The following HEG1 variants were observed in gnomAD, a reference collection of about 807,000 sequenced individuals.
The protein encoded by HEG1 is protein HEG homolog 1.
In HEG1, 56 loss-of-function variants were observed where a neutral mutation model predicts 125.6. The ratio of observed to expected loss-of-function variants is 0.45; its 90% confidence interval spans 0.36 to 0.56. The LOEUF (loss-of-function observed/expected upper bound fraction) is 0.56, where lower values mean the gene tolerates loss of function less well. HEG1 is among the 20% of genes least tolerant of loss of function. The pLI is 0.00. For missense variants in HEG1, 1,523 were observed against 1,670.0 expected (o/e 0.91, Z 1.53); for synonymous variants, 644 against 668.5 (o/e 0.96, Z 0.57).
chr3:124,980,813 C>CCAACCTGGATAT (rs1553775626), intron 14 of HEG1, among the ~76,000 whole-genome samples: 1 of 151,864 alleles, frequency 6.6e-6, no homozygotes. Context: ...GCCACAGCGC[C>CCAACCTGGATAT]TGGCCTGAGG....
chr3:125,000,240 T>C (rs932017176), intron 11 of HEG1, among the ~76,000 whole-genome samples: 2 of 152,160 alleles, frequency 1.3e-5, no homozygotes, highest in African/African-American at 4.8e-5. Context: ...ATAAACCATA[T>C]ACAAGCAGTC....
At chr3:125,049,262 C>T (rs549382866) in intron 1 of HEG1, among the ~76,000 whole-genome samples, 1 of 152,296 alleles carries the variant, frequency 6.6e-6, no homozygotes, top group South Asian at 2.1e-4. Context: ...TGTTAACTTA[C>T]ATGGACCTTC....
chr3:124,976,389 T>C (rs1040114317), intron 15 of HEG1, among the ~76,000 whole-genome samples: 5 of 152,126 alleles, frequency 3.3e-5, no homozygotes, highest in Non-Finnish European at 7.4e-5. Context: ...GGTTTCACCA[T>C]GTTGGCCAGG....
chr3:125,013,266 A>G lies in HEG1; in HGVS notation c.2313T>C (p.His771=), dbSNP rs778024029. The change falls in exon 6 of 17, where the codon CAT becomes CAC. Residue 771 remains histidine, a synonymous_variant. Transcript: ENST00000311127. ...STMTSFMTML[H]SSQTADLKSQ... is the part of the protein sequence containing the mutation. Reference sequence around the variant, plus strand: ...TCTTAAGGTCTGCAGTTTGACTACTATGGAGCATTGTCATGAATGATGTCA... The same window carrying G: ...TCTTAAGGTCTGCAGTTTGACTACTGTGGAGCATTGTCATGAATGATGTCA... 5.0e-6 allele frequency: 8 copies of G among 1,613,950 alleles called. No homozygotes were observed. In the Admixed American group the frequency reaches 8.3e-5, roughly 17 times the overall value.
At chr3:125,002,155 T>C (rs1937010654) in intron 10 of HEG1, 102 bp downstream of exon 10, 1 of 1,496,276 alleles carries the variant, frequency 6.7e-7, no homozygotes, top group East Asian at 2.3e-5. Flanking sequence ...GATTGCCCCA[T>C]GGCTGGGTGA....
At chr3:125,033,293 T>C (rs576752175) in intron 1 of HEG1, among the ~76,000 whole-genome samples, 1 of 152,252 alleles carries the variant, frequency 6.6e-6, no homozygotes, top group East Asian at 1.9e-4. Context: ...GAGGCACCTG[T>C]TCAACATTTG....
At chr3:124,981,136 A>G (rs1439787088) in intron 14 of HEG1, among the ~76,000 whole-genome samples, 1 of 151,848 alleles carries the variant, frequency 6.6e-6, no homozygotes, top group Non-Finnish European at 1.5e-5. Flanking sequence ...ACTGCGCCCA[A>G]CCTGGATATT....
intron 1 of HEG1, among the ~76,000 whole-genome samples, chr3:125,035,804 C>A (rs1937542889): frequency 6.6e-6 from 1 of 151,938 alleles, no homozygotes; most frequent in African/African-American, 2.4e-5. Flanking sequence ...ATTAATAAAA[C>A]AAGTCAGAAC....
At chr3:125,025,230 TC>T (rs773308744) in intron 3 of HEG1, among the ~76,000 whole-genome samples, 6 of 152,232 alleles carry the variant, frequency 3.9e-5, no homozygotes, top group Non-Finnish European at 8.8e-5. Context: ...GAAGTTTGTT[TC>T]CCATGTAACT....
At position 124,966,814 on chromosome 3, in the gene HEG1, G is replaced by A. The variant is rs1293441850; in HGVS notation, c.*3838C>T. The A allele has an allele frequency of 6.6e-6, 1 of 152,186 alleles. No homozygotes were observed. Among genetic ancestry groups the A allele is most frequent in the Non-Finnish European group, 1.5e-5 (1 of 68,056 alleles). The allele number at this position is 152,186 out of a possible 1,614,324, so 9.4% of individuals were successfully genotyped here. A position where few individuals can be genotyped will look rare whatever the true frequency, so the allele number is the denominator to read the frequency against. ...GTTAAATCGGCTTACAGGACACCCG[G>A]GCATCTCACCAGGGGGCAACACAGT... On this transcript the variant is annotated 3_prime_UTR_variant, in exon 17 of 17. Coordinates refer to ENST00000311127, the MANE Select transcript of HEG1 (RefSeq NM_020733.2).
chr3:125,052,181 G>A (rs1476247105), intron 1 of HEG1, among the ~76,000 whole-genome samples: 17 of 146,836 alleles, frequency 1.2e-4, no homozygotes, highest in Admixed American at 9.6e-4. Context: ...AAGCAAACAG[G>A]CTTCTCAGGA....
intron 15 of HEG1, among the ~76,000 whole-genome samples, chr3:124,976,176 G>C (rs1274830651): frequency 1.3e-5 from 2 of 152,012 alleles, no homozygotes; most frequent in African/African-American, 4.8e-5. Context: ...TTATTTTCTA[G>C]GTGTTTTTTT....
At chr3:125,039,472 C>G (rs71325813) in intron 1 of HEG1, among the ~76,000 whole-genome samples, 1 of 152,152 alleles carries the variant, frequency 6.6e-6, no homozygotes. Context: ...CCCCACACCT[C>G]AGCCTCAACC....
At chr3:125,012,339 C>T (rs1185800140) in intron 6 of HEG1, among the ~76,000 whole-genome samples, 1 of 152,220 alleles carries the variant, frequency 6.6e-6, no homozygotes, top group Non-Finnish European at 1.5e-5. Context: ...CTACAGGGCA[C>T]TAAAAGCTGC....
At chr3:124,986,674 T>C (rs551183761) in intron 14 of HEG1, among the ~76,000 whole-genome samples, 63 of 152,274 alleles carry the variant, frequency 4.1e-4, no homozygotes, top group Middle Eastern at 3.4e-3. Context: ...TTCTAAAAGG[T>C]GGCCAGGAGC....
chr3:124,979,516 CTA>C (rs1165496763), intron 14 of HEG1, among the ~76,000 whole-genome samples: 1 of 152,110 alleles, frequency 6.6e-6, no homozygotes, highest in Non-Finnish European at 1.5e-5. Context: ...GCTTTTATAT[CTA>C]TGTATTTCTG....
chr3:125,027,279 G>A lies in HEG1; in HGVS notation c.839C>T (p.Ser280Phe), dbSNP rs1937429073. The A allele has an allele frequency of 1.9e-6, 3 of 1,613,576 alleles. No individual in the cohort carries two copies. The highest frequency in any genetic ancestry group is 1.7e-6 in the Non-Finnish European group (2 of 1,179,750). ...CAGCCAGGAGAGATCTGGTCCTGAG[G>A]AATTTCTCTTCCTAGAAGGCGTGGT... ...ELTTPSRKRN[S>F]SGPDLSWLHF... The change falls in exon 3 of 17, where the codon TCC (serine) becomes TTC (phenylalanine). Residue 280 changes from serine to phenylalanine, a missense_variant. Transcript: ENST00000311127.
chr3:124,973,379 G>A (rs1470854897), intron 16 of HEG1, among the ~76,000 whole-genome samples: 1 of 152,094 alleles, frequency 6.6e-6, no homozygotes, highest in Non-Finnish European at 1.5e-5. Context: ...AGGTAAGCAT[G>A]GCAGACAGGA....
intron 11 of HEG1, among the ~76,000 whole-genome samples, chr3:124,998,699 T>A (rs1377043476): frequency 1.3e-5 from 2 of 152,230 alleles, no homozygotes; most frequent in Admixed American, 6.5e-5. Flanking sequence ...GTGGGGCATA[T>A]GGCCCTCTGT....
Sources: allele counts gnomAD v4.1 joint callset (sites outside exome capture counted in the v4.1 genomes callset), GRCh38; gene constraint gnomAD v4.1.1; transcripts MANE v1.5; gene names NCBI Gene and HGNC (gene_info 2026-07-23, HGNC 2026-07-21).